NR1H4: variants seen among roughly 807,000 people sequenced by gnomAD.
NR1H4 encodes bile acid receptor.
In NR1H4, 23 loss-of-function variants were observed where a neutral mutation model predicts 58.5. The observed-to-expected ratio is 0.39, with a 90% confidence interval of 0.28 to 0.56. The LOEUF (loss-of-function observed/expected upper bound fraction) is 0.56. Among genes scored for constraint, NR1H4 ranks in the 20% least tolerant of loss-of-function variants. The pLI, the probability that NR1H4 is intolerant of heterozygous loss-of-function variation, is 0.58. For synonymous variants in NR1H4, 214 were observed against 198.0 expected (o/e 1.08, Z -0.68); for missense variants, 487 against 576.9 (o/e 0.84, Z 1.60).
chr12:100,553,787 C>T (rs1955262042), intron 9 of NR1H4, among the ~76,000 whole-genome samples: 1 of 152,216 alleles, frequency 6.6e-6, no homozygotes, highest in Non-Finnish European at 1.5e-5. Context: ...TCCTCCTGGT[C>T]ATCTAATGGC....
At chr12:100,532,656 G>A (rs761872505) in intron 5 of NR1H4, 46 bp downstream of exon 5, 1 of 1,570,120 alleles carries the variant, frequency 6.4e-7, no homozygotes, top group South Asian at 1.1e-5. Context: ...CTCTTAAGGA[G>A]GCAGATGTCA....
At chr12:100,510,150 G>A (rs1236137726) in intron 3 of NR1H4, among the ~76,000 whole-genome samples, 1 of 152,180 alleles carries the variant, frequency 6.6e-6, no homozygotes, top group African/African-American at 2.4e-5. Flanking sequence ...TATGGCTCTT[G>A]CGAATGTGCT....
intron 4 of NR1H4, among the ~76,000 whole-genome samples, chr12:100,529,856 T>C (rs1016736825): frequency 2.0e-5 from 3 of 152,324 alleles, no homozygotes; most frequent in Non-Finnish European, 4.4e-5. Context: ...GCTAGAACAA[T>C]TTTTAAGTGC....
intron 4 of NR1H4, among the ~76,000 whole-genome samples, chr12:100,514,155 T>C (rs143149645): frequency 1.3e-5 from 2 of 152,326 alleles, no homozygotes; most frequent in African/African-American, 4.8e-5. Flanking sequence ...GCTTTTTGCC[T>C]TAGGTGGTAA....
intron 1 of NR1H4, among the ~76,000 whole-genome samples, chr12:100,487,091 T>A (rs1395823180): frequency 6.6e-6 from 1 of 152,208 alleles, no homozygotes; most frequent in Non-Finnish European, 1.5e-5. Flanking sequence ...AAATGTTTTT[T>A]AAATTACTGC....
chr12:100,517,855 T>C (rs1336695802), intron 4 of NR1H4, among the ~76,000 whole-genome samples: 1 of 152,238 alleles, frequency 6.6e-6, no homozygotes, highest in Non-Finnish European at 1.5e-5. Flanking sequence ...TTTTCATAGC[T>C]AATAAGAGCT....
intron 1 of NR1H4, among the ~76,000 whole-genome samples, chr12:100,487,630 C>G (rs1373241765): frequency 7.6e-6 from 1 of 132,374 alleles, no homozygotes; most frequent in Non-Finnish European, 1.6e-5. Flanking sequence ...GAGTCTCACT[C>G]TGTTGCCCAG....
At chr12:100,527,741 A>G (rs1027764406) in intron 4 of NR1H4, among the ~76,000 whole-genome samples, 4 of 152,108 alleles carry the variant, frequency 2.6e-5, no homozygotes, top group African/African-American at 9.7e-5. Context: ...GTGAGAACAT[A>G]TGGTGTTTGG....
In NR1H4 at chr12:100,510,762, TGTC is replaced by T; in HGVS notation, c.80-15_80-13del. On this transcript the variant is annotated splice_polypyrimidine_tract_variant and intron_variant, in intron 3 of 10. Transcript: ENST00000392986. ...ATGATGACATTCATTCCAGTTTTGT[TGTC>T]ACTTTTGTTCAGGTGTTTTAACAGA... 6.2e-7 allele frequency: 1 copy of T among 1,613,822 alleles called. No individual in the cohort carries two copies. The highest frequency in any genetic ancestry group is 8.5e-7 in the Non-Finnish European group (1 of 1,179,860).
chr12:100,484,124 C>T (rs913519237), intron 1 of NR1H4, among the ~76,000 whole-genome samples: 1 of 151,846 alleles, frequency 6.6e-6, no homozygotes, highest in Non-Finnish European at 1.5e-5. Context: ...AGATATCCAA[C>T]AAAGTGTATA....
intron 4 of NR1H4, among the ~76,000 whole-genome samples, chr12:100,511,877 G>C (rs1017405079): frequency 6.6e-6 from 1 of 151,406 alleles, no homozygotes; most frequent in African/African-American, 2.4e-5. Context: ...AGCCAAGATC[G>C]CACCATTGCA....
intron 1 of NR1H4, among the ~76,000 whole-genome samples, chr12:100,480,974 A>G (rs1207366441): frequency 6.6e-6 from 1 of 152,224 alleles, no homozygotes; most frequent in Non-Finnish European, 1.5e-5. Flanking sequence ...TGCAAACAGT[A>G]TGGCAATCTC....
At position 100,524,024 on chromosome 12, in the gene NR1H4, A is replaced by G. The variant is rs188032694; in HGVS notation, c.446-8434A>G. ...AGAATACGTAGAAAAATGCAATGGTAATAAAATGATTTCCAGGGAATATGA... is the reference window on the plus strand; with the variant it reads ...AGAATACGTAGAAAAATGCAATGGTGATAAAATGATTTCCAGGGAATATGA... On this transcript the variant is annotated intron_variant, in intron 4 of 10. Transcript: ENST00000392986. Among the ~76,000 whole-genome samples the G allele has an allele frequency of 3.9e-3, 594 of 152,332 alleles. 6 individuals are homozygous for G. The highest frequency in any genetic ancestry group is 3.8e-3 in the Non-Finnish European group (259 of 68,022).
At chr12:100,490,328 G>A (rs963076862) in intron 1 of NR1H4, among the ~76,000 whole-genome samples, 4 of 152,178 alleles carry the variant, frequency 2.6e-5, no homozygotes, top group Admixed American at 1.3e-4. Flanking sequence ...GGAGCTTGCT[G>A]AACATGGCTC....
At chr12:100,499,984 C>CT in intron 3 of NR1H4, 1 of 455,894 alleles carries the variant, frequency 2.2e-6, no homozygotes, top group South Asian at 1.6e-5. Flanking sequence ...CACAAGTACT[C>CT]TATTTGCCAC....
At chr12:100,530,104 T>C (rs943562842) in intron 4 of NR1H4, among the ~76,000 whole-genome samples, 1 of 152,242 alleles carries the variant, frequency 6.6e-6, no homozygotes, top group Non-Finnish European at 1.5e-5. Context: ...GAATGTCTTA[T>C]TCATCTTGGT....
intron 9 of NR1H4, among the ~76,000 whole-genome samples, chr12:100,542,351 A>G (rs1295616796): frequency 1.3e-5 from 2 of 152,186 alleles, no homozygotes; most frequent in Non-Finnish European, 2.9e-5. Context: ...AGTCTGAAAA[A>G]AAAAGAAGCT....
intron 9 of NR1H4, among the ~76,000 whole-genome samples, chr12:100,549,140 C>A (rs1736993275): frequency 6.6e-6 from 1 of 152,068 alleles, no homozygotes; most frequent in Admixed American, 6.6e-5. Flanking sequence ...AGATTGAGAC[C>A]ATCCTGGCTA....
At chr12:100,495,360 T>C (rs1953691343) in intron 3 of NR1H4, among the ~76,000 whole-genome samples, 1 of 152,180 alleles carries the variant, frequency 6.6e-6, no homozygotes, top group Non-Finnish European at 1.5e-5. Flanking sequence ...TTTCCTTTTC[T>C]CCACTAAGCT....
Sources: gnomAD v4.1 joint callset for allele counts (sites outside exome capture counted in the v4.1 genomes callset) on GRCh38, gnomAD v4.1.1 for gene constraint, MANE v1.5 for transcripts, NCBI Gene and HGNC (gene_info 2026-07-23, HGNC 2026-07-21) for gene names.